The following SLC26A8 variants were observed in gnomAD, a reference collection of about 807,000 sequenced individuals.
SLC26A8 encodes testis anion transporter 1.
Under a neutral mutation model 105.0 loss-of-function variants are expected in SLC26A8, and 70 were observed. That is an observed-to-expected ratio of 0.67 (90% CI 0.55 to 0.81). The LOEUF is 0.81. SLC26A8 is among the 40% of genes least tolerant of loss of function. The probability of loss-of-function intolerance (pLI) is 0.00; values close to 1 mark genes in which losing one functional copy is unlikely to be tolerated. For missense variants in SLC26A8, 998 were observed against 1,181.8 expected (o/e 0.84, Z 2.28); for synonymous variants, 415 against 438.3 (o/e 0.95, Z 0.66).
chr6:36,003,309 C>T (rs1172702851), intron 3 of SLC26A8, among the ~76,000 whole-genome samples: 1 of 152,198 alleles, frequency 6.6e-6, no homozygotes, highest in African/African-American at 2.4e-5. Flanking sequence ...TCATTAACAG[C>T]CTGTCTCTGT....
intron 10 of SLC26A8, among the ~76,000 whole-genome samples, chr6:35,973,431 A>T (rs1049211166): frequency 1.3e-5 from 2 of 152,240 alleles, no homozygotes; most frequent in African/African-American, 4.8e-5. Context: ...ATGTAGTCTT[A>T]TTCTAGACCA....
intron 10 of SLC26A8, among the ~76,000 whole-genome samples, chr6:35,971,320 T>A (rs2127315112): frequency 6.6e-6 from 1 of 152,256 alleles, no homozygotes; most frequent in East Asian, 1.9e-4. Flanking sequence ...CATGCTTTGT[T>A]TTTCTGACCA....
intron 11 of SLC26A8, among the ~76,000 whole-genome samples, chr6:35,964,637 ACT>A (rs1486092674): frequency 6.0e-5 from 9 of 149,702 alleles, no homozygotes; most frequent in African/African-American, 2.0e-4. Flanking sequence ...ACAGAGTGAG[ACT>A]CTGTCTCAAA....
intron 10 of SLC26A8, among the ~76,000 whole-genome samples, chr6:35,974,905 T>A (rs986642167): frequency 1.3e-5 from 2 of 149,356 alleles, no homozygotes; most frequent in African/African-American, 2.5e-5. Flanking sequence ...CCCAGCTAAT[T>A]GTTTTTTTTT....
intron 2 of SLC26A8, among the ~76,000 whole-genome samples, chr6:36,012,984 T>C (rs1761903011): frequency 6.6e-6 from 1 of 152,154 alleles, no homozygotes; most frequent in African/African-American, 2.4e-5. Context: ...GAGGAGAGCA[T>C]GGAACTAAAA....
intron 3 of SLC26A8, among the ~76,000 whole-genome samples, chr6:36,004,873 C>T (rs1761642049): frequency 6.7e-6 from 1 of 149,372 alleles, no homozygotes; most frequent in African/African-American, 2.5e-5. Flanking sequence ...ACCATGTTGC[C>T]CAGTCTGGTC....
intron 10 of SLC26A8, among the ~76,000 whole-genome samples, chr6:35,970,064 A>T (rs1054280038): frequency 2.3e-4 from 35 of 152,206 alleles, no homozygotes; most frequent in Non-Finnish European, 2.1e-4. Context: ...TAATAAAAAT[A>T]ATAGAAACCA....
At position 35,984,455 on chromosome 6, in the gene SLC26A8, T is replaced by C. The variant is rs1773412255; in HGVS notation, c.943-2252A>G. Among the ~76,000 whole-genome samples, 6 of 151,774 alleles carry C rather than the reference T, an allele frequency of 4.0e-5. No homozygotes were observed. The South Asian group carries it at 1.2e-3, about 32-fold the overall frequency. ...CTCCTGCCTCCACCTCCTGAGTAGCTAGGACTACAGGCGTGCACCACTATG... is the reference window on the plus strand; with the variant it reads ...CTCCTGCCTCCACCTCCTGAGTAGCCAGGACTACAGGCGTGCACCACTATG... On this transcript the variant is annotated intron_variant, in intron 7 of 19. Transcript: ENST00000490799.
chr6:35,943,999 G>A lies in SLC26A8; in HGVS notation c.2814C>T (p.Ser938=). Residue 938 remains serine (S), a synonymous_variant, in exon 20 of 20, where the codon TCC becomes TCT. Coordinates refer to ENST00000490799, the MANE Select transcript of SLC26A8 (RefSeq NM_052961.4). ...YWPMYHPSMA[S]TQSQTQTRTW... ...TCCGAGTCTGAGTCTGAGACTGGGT[G>A]GAAGCCATAGACGGATGATACATAG... 2 of 1,614,194 alleles carry A rather than the reference G, an allele frequency of 1.2e-6. No homozygotes were observed. The highest frequency in any genetic ancestry group is 1.7e-6 in the Non-Finnish European group (2 of 1,180,034).
At chr6:35,953,968 C>A (rs1312914660) in intron 17 of SLC26A8, among the ~76,000 whole-genome samples, 1 of 152,076 alleles carries the variant, frequency 6.6e-6, no homozygotes, top group Non-Finnish European at 1.5e-5. Flanking sequence ...GAAAACCATC[C>A]AAAGGCACAA....
Position 35,992,544 on chromosome 6 carries a change from A to G in SLC26A8, c.758T>C (p.Ile253Thr). 1.9e-6 allele frequency: 3 copies of G among 1,613,970 alleles called. No homozygotes were observed. Among genetic ancestry groups the G allele is most frequent in the Non-Finnish European group, 2.5e-6 (3 of 1,179,982 alleles). Residue 253 changes from isoleucine (I) to threonine (T), a missense_variant, in exon 6 of 20, where the codon ATT becomes ACT. Transcript: ENST00000490799. ...GGAGATGGGACCGGCATGGAAACTA[A>G]TCATAATCCCAAAGATGAAAGTCAG... ...SQLTFIFGIM[I>T]SFHAGPISFF...
In SLC26A8 at chr6:35,954,879, AG is replaced by A. The variant is rs1333140826; in HGVS notation, c.2232+272del. The stretch of plus-strand genomic sequence containing the variant: ...AGAATCTCTTGAACCTGGGAGGTGG[AG>A]GTTGCAGTGAGCCAAGATTGTGCCA... On this transcript the variant is annotated intron_variant, in intron 17 of 19. Coordinates refer to ENST00000490799, the MANE Select transcript of SLC26A8 (RefSeq NM_052961.4). 7.4e-5 allele frequency: 26 copies of A among 349,002 alleles called. No individual in the cohort carries two copies. The Admixed American group carries it at 8.8e-4, about 12-fold the overall frequency. 21.6% of individuals were successfully genotyped at this position (349,002 alleles called of 1,614,324 possible).
intron 7 of SLC26A8, among the ~76,000 whole-genome samples, chr6:35,991,207 C>G (rs1458622523): frequency 6.6e-6 from 1 of 151,294 alleles, no homozygotes; most frequent in Non-Finnish European, 1.5e-5. Flanking sequence ...TTGCGACCGG[C>G]CTGGCCAACA....
At chr6:36,023,162 T>TCCATCC (rs1554169378) in intron 1 of SLC26A8, among the ~76,000 whole-genome samples, 3 of 142,976 alleles carry the variant, frequency 2.1e-5, no homozygotes, top group African/African-American at 7.8e-5. Context: ...ATAGTACCCT[T>TCCATCC]ATCCATCCAT....
chr6:36,005,332 T>C (rs1009921841), intron 3 of SLC26A8, among the ~76,000 whole-genome samples: 1 of 152,160 alleles, frequency 6.6e-6, no homozygotes, highest in Non-Finnish European at 1.5e-5. Context: ...TTGAATCTCA[T>C]CAGTTTTTTT....
intron 14 of SLC26A8, 25 bp downstream of exon 14, chr6:35,960,818 A>G (rs1422182358): frequency 6.2e-7 from 1 of 1,611,326 alleles, no homozygotes; most frequent in Non-Finnish European, 8.5e-7. Context: ...TTAGGCAGAG[A>G]AATGGGACCC....
chr6:36,006,920 T>A (rs1233836609), intron 3 of SLC26A8, among the ~76,000 whole-genome samples: 3 of 152,112 alleles, frequency 2.0e-5, no homozygotes, highest in African/African-American at 7.2e-5. Context: ...GCAAAAAAAA[T>A]TTCACAAAAT....
At position 35,992,522 on chromosome 6, in the gene SLC26A8, G is replaced by C; in HGVS notation, c.780C>G (p.Ile260Met). Residue 260 changes from isoleucine (I) to methionine (M), a missense_variant, in exon 6 of 20, where the codon ATC becomes ATG. Coordinates refer to ENST00000490799, the MANE Select transcript of SLC26A8 (RefSeq NM_052961.4). ...TGAAATTACTCACATAGAAGAAGGA[G>C]ATGGGACCGGCATGGAAACTAATCA... is the stretch of plus-strand genomic sequence containing the variant. ...GIMISFHAGPISFFYDIINYC... is the reference protein window; with the variant it reads ...GIMISFHAGPMSFFYDIINYC... The C allele has an allele frequency of 6.2e-7, 1 of 1,612,454 alleles. No homozygotes were observed. The highest frequency in any genetic ancestry group is 8.5e-7 in the Non-Finnish European group (1 of 1,179,388).
At chr6:35,970,671 C>A (rs995150710) in intron 10 of SLC26A8, among the ~76,000 whole-genome samples, 4 of 152,094 alleles carry the variant, frequency 2.6e-5, no homozygotes, top group Non-Finnish European at 5.9e-5. Context: ...CTTTTTTTCT[C>A]CAAAATTCTT....
Sources: gnomAD v4.1 joint callset for allele counts (sites outside exome capture counted in the v4.1 genomes callset) on GRCh38, gnomAD v4.1.1 for gene constraint, MANE v1.5 for transcripts, NCBI Gene and HGNC (gene_info 2026-07-23, HGNC 2026-07-21) for gene names.